The following ELAPOR1 variants were observed in gnomAD, a reference collection of about 807,000 sequenced individuals.
The protein encoded by ELAPOR1 is endosome-lysosome associated apoptosis and autophagy regulator 1.
ELAPOR1 carries 77 observed loss-of-function variants against 119.7 expected under a neutral mutation model. That is an observed-to-expected ratio of 0.64 (90% CI 0.54 to 0.78). The LOEUF (loss-of-function observed/expected upper bound fraction) is 0.78, where lower values mean the gene tolerates loss of function less well. Ranked by LOEUF, ELAPOR1 falls within the 30% of genes least tolerant of loss-of-function variation. The pLI is 0.00. For synonymous variants in ELAPOR1, 481 were observed against 487.2 expected (o/e 0.99, Z 0.17); for missense variants, 1,115 against 1,270.4 (o/e 0.88, Z 1.86).
In ELAPOR1 at chr1:109,197,424, T is replaced by C. The variant is rs201807532; in HGVS notation, c.2122-50T>C. On this transcript the variant is annotated intron_variant, in intron 15 of 21. Transcript: ENST00000369939. ...TTCCCTATTCCCTTCTGGGAATTCCTCTGTGACCACTCACTTCTTCCTACT... is the reference window on the plus strand; with the variant it reads ...TTCCCTATTCCCTTCTGGGAATTCCCCTGTGACCACTCACTTCTTCCTACT... 2.2e-5 allele frequency: 34 copies of C among 1,552,506 alleles called. No homozygotes were observed. The African/African-American group carries it at 4.5e-4, about 20-fold the overall frequency.
intron 7 of ELAPOR1, among the ~76,000 whole-genome samples, chr1:109,177,685 T>TA (rs1652435141): frequency 6.6e-6 from 1 of 152,066 alleles, no homozygotes; most frequent in South Asian, 2.1e-4. Flanking sequence ...GGGAAGTTTT[T>TA]ATCTGTAAGT....
intron 1 of ELAPOR1, among the ~76,000 whole-genome samples, chr1:109,157,597 T>C (rs1397329771): frequency 6.6e-6 from 1 of 152,132 alleles, no homozygotes; most frequent in Non-Finnish European, 1.5e-5. Flanking sequence ...GCCCAGCCCC[T>C]CTATGATGCA....
At chr1:109,168,948 G>C (rs1319468809) in intron 3 of ELAPOR1, among the ~76,000 whole-genome samples, 1 of 152,046 alleles carries the variant, frequency 6.6e-6, no homozygotes, top group Non-Finnish European at 1.5e-5. Context: ...ACAAAAATCA[G>C]AATTATGATG....
Position 109,206,058 on chromosome 1 carries a change from A to T in ELAPOR1, c.*3046A>T, listed in dbSNP as rs767583861. 6.6e-6 allele frequency: 1 copy of T among 151,802 alleles called. No individual in the cohort carries two copies. Among genetic ancestry groups the T allele is most frequent in the Non-Finnish European group, 1.5e-5 (1 of 67,962 alleles). The allele number at this position is 151,802 out of a possible 1,614,324, so 9.4% of individuals were successfully genotyped here. On this transcript the variant is annotated 3_prime_UTR_variant, in exon 22 of 22. Transcript: ENST00000369939. ...TGAGACAGAGTCAGCTTTGTTGCCCAGGCTGGAGTGCAGTGCCATGATCTT... is the reference window on the plus strand; with the variant it reads ...TGAGACAGAGTCAGCTTTGTTGCCCTGGCTGGAGTGCAGTGCCATGATCTT...
chr1:109,165,594 A>AC (rs1651543602), intron 3 of ELAPOR1, among the ~76,000 whole-genome samples: 2 of 151,784 alleles, frequency 1.3e-5, no homozygotes, highest in African/African-American at 4.8e-5. Flanking sequence ...TAAAAAAAAA[A>AC]AAAAAAGAAA....
chr1:109,137,354 C>T (rs1304346169), intron 1 of ELAPOR1, among the ~76,000 whole-genome samples: 1 of 150,760 alleles, frequency 6.6e-6, no homozygotes, highest in African/African-American at 2.4e-5. Context: ...CAGGCATGCA[C>T]CATGACGCCC....
In ELAPOR1 at chr1:109,197,548, A is replaced by G. The variant is rs746646782; in HGVS notation, c.2196A>G (p.Lys732=). Residue 732 remains lysine, a synonymous_variant, in exon 16 of 22, where the codon AAA becomes AAG. Coordinates refer to ENST00000369939, the MANE Select transcript of ELAPOR1 (RefSeq NM_020775.5). The part of the protein sequence containing the change: ...RIPEGESGFS[K]SITAYVCQAV... ...CTGAGGGTGAGTCAGGGTTCTCCAA[A>G]TCTATCACAGCCTACGTCTGCCAGG... 5 of 1,613,922 alleles carry G rather than the reference A, an allele frequency of 3.1e-6. No individual in the cohort carries two copies. In the African/African-American group the frequency reaches 6.7e-5, roughly 22 times the overall value.
chr1:109,119,621 T>C (rs1648264699), intron 1 of ELAPOR1, among the ~76,000 whole-genome samples: 1 of 152,194 alleles, frequency 6.6e-6, no homozygotes, highest in African/African-American at 2.4e-5. Flanking sequence ...ACTAAGCTTC[T>C]AAACTCATCT....
At chr1:109,167,819 G>A (rs553239350) in intron 3 of ELAPOR1, among the ~76,000 whole-genome samples, 1 of 152,164 alleles carries the variant, frequency 6.6e-6, no homozygotes, top group South Asian at 2.1e-4. Flanking sequence ...ATGTTGCCCA[G>A]GTTGGACTCA....
At chr1:109,128,165 A>ACCTGGCCT (rs200989048) in intron 1 of ELAPOR1, among the ~76,000 whole-genome samples, 3,217 of 152,282 alleles carry the variant, frequency 0.021, 41 homozygotes, top group Non-Finnish European at 0.032. Flanking sequence ...CAGCCACTGC[A>ACCTGGCCT]CCTGGCCTTA....
At chr1:109,193,548 A>G (rs1004804529) in intron 14 of ELAPOR1, among the ~76,000 whole-genome samples, 3 of 152,214 alleles carry the variant, frequency 2.0e-5, no homozygotes, top group African/African-American at 7.2e-5. Flanking sequence ...ATAAAGGCAC[A>G]TTAAAAAACT....
At chr1:109,179,258 C>G (rs969020769) in intron 7 of ELAPOR1, among the ~76,000 whole-genome samples, 1 of 150,840 alleles carries the variant, frequency 6.6e-6, no homozygotes, top group Non-Finnish European at 1.5e-5. Flanking sequence ...AAAAATTGGC[C>G]GGGCATGGTG....
chr1:109,127,209 T>C (rs1648835591), intron 1 of ELAPOR1, among the ~76,000 whole-genome samples: 1 of 149,144 alleles, frequency 6.7e-6, no homozygotes, highest in Non-Finnish European at 1.5e-5. Flanking sequence ...TTCTTTTTTT[T>C]CTTTTCTTTT....
chr1:109,181,457 G>A (rs139052673), intron 7 of ELAPOR1, among the ~76,000 whole-genome samples: 3 of 152,152 alleles, frequency 2.0e-5, no homozygotes, highest in African/African-American at 7.2e-5. Context: ...GGGAAAGGAG[G>A]TTGGTCTCAG....
intron 14 of ELAPOR1, among the ~76,000 whole-genome samples, chr1:109,194,083 T>G (rs1653621517): frequency 6.6e-6 from 1 of 152,184 alleles, no homozygotes; most frequent in African/African-American, 2.4e-5. Context: ...AGTGCCTCAT[T>G]GTCTTCTGCT....
intron 7 of ELAPOR1, among the ~76,000 whole-genome samples, chr1:109,181,353 C>G (rs1352182335): frequency 6.6e-6 from 1 of 152,168 alleles, no homozygotes; most frequent in East Asian, 1.9e-4. Context: ...GCCAATCCTA[C>G]TTAAGTCACT....
chr1:109,174,413 TAA>T (rs59275691), intron 7 of ELAPOR1, among the ~76,000 whole-genome samples: 2 of 42,044 alleles, frequency 4.8e-5, no homozygotes, highest in African/African-American at 8.9e-5. Flanking sequence ...ACCCTGTCTC[TAA>T]AAAAAAAAAA....
intron 5 of ELAPOR1, among the ~76,000 whole-genome samples, chr1:109,173,209 G>A (rs1390747379): frequency 1.3e-5 from 2 of 152,044 alleles, no homozygotes; most frequent in African/African-American, 4.8e-5. Flanking sequence ...AGGACCCTCA[G>A]GTCTCTTTAC....
intron 15 of ELAPOR1, among the ~76,000 whole-genome samples, chr1:109,196,652 GAA>G (rs60138593): frequency 3.2e-4 from 45 of 139,474 alleles, no homozygotes; most frequent in East Asian, 2.2e-3. Context: ...CTACAATCTA[GAA>G]AAAAAAAAAA....
Sources: gnomAD v4.1 joint callset for allele counts (sites outside exome capture counted in the v4.1 genomes callset) on GRCh38, gnomAD v4.1.1 for gene constraint, MANE v1.5 for transcripts, NCBI Gene and HGNC (gene_info 2026-07-23, HGNC 2026-07-21) for gene names.